The following NXPE4 variants were observed in gnomAD, a reference collection of about 807,000 sequenced individuals.
The protein encoded by NXPE4 is NXPE family member 4.
NXPE4 carries 42 observed loss-of-function variants against 33.3 expected under a neutral mutation model. The ratio of observed to expected loss-of-function variants is 1.26; its 90% CI spans 0.98 to 1.63. The LOEUF (loss-of-function observed/expected upper bound fraction) is 1.63, where lower values mean the gene tolerates loss of function less well. Ranked by LOEUF, NXPE4 falls within the 40% of genes most tolerant of loss-of-function variation. The probability of loss-of-function intolerance (pLI) is 0.00; values close to 1 mark genes in which losing one functional copy is unlikely to be tolerated. For synonymous variants in NXPE4, 253 were observed against 234.9 expected, an observed-to-expected ratio of 1.08 and a Z score of -0.71; for missense variants, 709 against 647.6, an observed-to-expected ratio of 1.09 and a Z score of -1.03.
chr11:114,617,793 C>T, the NXPE4 span, among the ~76,000 whole-genome samples: 28 of 152,142 alleles, frequency 1.8e-4, no homozygotes, highest in African/African-American at 5.5e-4. Context: ...TGGGTAAGCA[C>T]GGTTACCCGA....
At chr11:114,639,214 T>A in the NXPE4 span, among the ~76,000 whole-genome samples, 1 of 151,866 alleles carries the variant, frequency 6.6e-6, no homozygotes, top group Admixed American at 6.6e-5. Context: ...TTCAGTTTGA[T>A]CTCAGACTGC....
upstream of NXPE4, among the ~76,000 whole-genome samples, chr11:114,597,054 G>A (rs1031345678): frequency 1.3e-5 from 2 of 152,144 alleles, no homozygotes; most frequent in Non-Finnish European, 2.9e-5. Flanking sequence ...AAACTAGGAA[G>A]TTGGAAAAAC....
the NXPE4 span, among the ~76,000 whole-genome samples, chr11:114,657,009 G>T: frequency 6.6e-6 from 1 of 152,148 alleles, no homozygotes; most frequent in Non-Finnish European, 1.5e-5. Flanking sequence ...CAGGAGAATG[G>T]CATGAACCTG....
chr11:114,668,213 G>C, the NXPE4 span, among the ~76,000 whole-genome samples: 2 of 152,064 alleles, frequency 1.3e-5, no homozygotes, highest in Non-Finnish European at 1.5e-5. Flanking sequence ...GCAAACCTTA[G>C]CTGCTTTCCT....
chr11:114,655,002 T>A, the NXPE4 span, among the ~76,000 whole-genome samples: 1 of 152,224 alleles, frequency 6.6e-6, no homozygotes, highest in Non-Finnish European at 1.5e-5. Context: ...GACTTTTTAA[T>A]AATCACCATT....
chr11:114,622,386 ATTTCTTGTGGG>A, the NXPE4 span, among the ~76,000 whole-genome samples: 1 of 149,114 alleles, frequency 6.7e-6, no homozygotes, highest in Admixed American at 6.7e-5. Context: ...GATAATAAGT[ATTTCTTGTGGG>A]TAACCACTGT....
At chr11:114,605,661 T>C in the NXPE4 span, among the ~76,000 whole-genome samples, 1 of 151,788 alleles carries the variant, frequency 6.6e-6, no homozygotes, top group African/African-American at 2.4e-5. Flanking sequence ...TGGTGGATAA[T>C]ACATGTTGCC....
the NXPE4 span, among the ~76,000 whole-genome samples, chr11:114,611,383 G>A: frequency 0.15 from 21,686 of 148,022 alleles, 1,883 homozygotes; most frequent in East Asian, 0.38. Context: ...GTGTTGCCTC[G>A]TGGGTAACCA....
chr11:114,645,836 AGGCC>A, the NXPE4 span, among the ~76,000 whole-genome samples: 1 of 152,212 alleles, frequency 6.6e-6, no homozygotes, highest in Non-Finnish European at 1.5e-5. Flanking sequence ...TTCATTAGAT[AGGCC>A]AAATTTGAGA....
At chr11:114,610,480 C>A in the NXPE4 span, among the ~76,000 whole-genome samples, 19 of 151,990 alleles carry the variant, frequency 1.3e-4, no homozygotes, top group African/African-American at 4.6e-4. Flanking sequence ...AGGGTAACCA[C>A]TGTTACCCAG....
the NXPE4 span, among the ~76,000 whole-genome samples, chr11:114,639,851 AATATATATTATATTTT>A: frequency 1.0e-5 from 1 of 99,512 alleles, no homozygotes; most frequent in South Asian, 3.1e-4. Flanking sequence ...TATAAAATAT[AATATATATTATATTTT>A]ATATTAAATA....
chr11:114,645,268 T>C, the NXPE4 span, among the ~76,000 whole-genome samples: 50 of 152,154 alleles, frequency 3.3e-4, no homozygotes, highest in Non-Finnish European at 6.3e-4. Context: ...GTCACTGCAC[T>C]CCAGCCTGGG....
At chr11:114,576,918 C>A (rs543015550) in intron 5 of NXPE4, among the ~76,000 whole-genome samples, 5 of 148,380 alleles carry the variant, frequency 3.4e-5, no homozygotes, top group African/African-American at 1.2e-4. Context: ...TTTGCAATTG[C>A]AAAAATAAGG....
At chr11:114,675,570 C>A in the NXPE4 span, among the ~76,000 whole-genome samples, 286 of 151,672 alleles carry the variant, frequency 1.9e-3, 2 homozygotes, top group African/African-American at 5.5e-3. Flanking sequence ...ATAAAAAAAA[C>A]CCTTAGGAAT....
the NXPE4 span, among the ~76,000 whole-genome samples, chr11:114,671,163 G>C: frequency 0.093 from 13,953 of 150,398 alleles, 777 homozygotes; most frequent in African/African-American, 0.15. Flanking sequence ...AAGTTAACTA[G>C]TGATACTTAA....
the NXPE4 span, among the ~76,000 whole-genome samples, chr11:114,676,139 T>C: frequency 2.2e-3 from 329 of 152,020 alleles, 2 homozygotes; most frequent in Non-Finnish European, 3.5e-3. Context: ...GACCTGAAAC[T>C]GTAAAACTGC....
At chr11:114,636,286 A>G in the NXPE4 span, among the ~76,000 whole-genome samples, 1 of 151,942 alleles carries the variant, frequency 6.6e-6, no homozygotes, top group Non-Finnish European at 1.5e-5. Flanking sequence ...GGTAGTTTGT[A>G]TTTCTGTGAG....
the NXPE4 span, among the ~76,000 whole-genome samples, chr11:114,626,684 T>G: frequency 6.6e-6 from 1 of 152,054 alleles, no homozygotes; most frequent in Admixed American, 6.6e-5. Context: ...ATGACTTTGA[T>G]GAGCTGAGAG....
chr11:114,638,211 A>T, the NXPE4 span, among the ~76,000 whole-genome samples: 1 of 151,072 alleles, frequency 6.6e-6, no homozygotes, highest in East Asian at 1.9e-4. Context: ...CATTTCATTC[A>T]TTTCGTCTTT....
Sources: gnomAD v4.1 joint callset for allele counts (sites outside exome capture counted in the v4.1 genomes callset) on GRCh38, gnomAD v4.1.1 for gene constraint, MANE v1.5 for transcripts, NCBI Gene and HGNC (gene_info 2026-07-23, HGNC 2026-07-21) for gene names.